PTPRM: variants seen among roughly 807,000 people sequenced by gnomAD.
The protein encoded by PTPRM is protein tyrosine phosphatase receptor type M.
PTPRM carries 47 observed loss-of-function variants against 186.7 expected under a neutral mutation model. The observed-to-expected ratio is 0.25, with a 90% CI of 0.20 to 0.32. The LOEUF (loss-of-function observed/expected upper bound fraction) is 0.32. Ranked by LOEUF, PTPRM falls within the 10% of genes least tolerant of loss-of-function variation. The pLI is 1.00. For synonymous variants in PTPRM, 668 were observed against 674.9 expected, an observed-to-expected ratio of 0.99 and a Z score of 0.16; for missense variants, 1,494 against 1,865.0, an observed-to-expected ratio of 0.80 and a Z score of 3.66.
intron 14 of PTPRM, among the ~76,000 whole-genome samples, chr18:8,167,646 T>C (rs145992807): frequency 7.2e-4 from 110 of 152,348 alleles, no homozygotes; most frequent in African/African-American, 2.2e-3. Context: ...TGGAAGCATC[T>C]GTGGTCCAAA....
chr18:8,106,606 C>A (rs1468975950), intron 11 of PTPRM, among the ~76,000 whole-genome samples: 1 of 152,198 alleles, frequency 6.6e-6, no homozygotes, highest in Non-Finnish European at 1.5e-5. Context: ...AAGGACGGGG[C>A]AGTCTGTGCC....
At chr18:8,391,734 T>A (rs1331180710) in intron 31 of PTPRM, among the ~76,000 whole-genome samples, 2 of 152,230 alleles carry the variant, frequency 1.3e-5, no homozygotes, top group African/African-American at 4.8e-5. Flanking sequence ...AGGTATATTA[T>A]ACTTTAGTTA....
intron 1 of PTPRM, among the ~76,000 whole-genome samples, chr18:7,601,362 G>C (rs1422648909): frequency 6.6e-6 from 1 of 152,154 alleles, no homozygotes; most frequent in Non-Finnish European, 1.5e-5. Flanking sequence ...TAGTTTCCTG[G>C]GGCTGCTGTA....
At chr18:7,801,561 TAAC>T (rs1371965343) in intron 2 of PTPRM, among the ~76,000 whole-genome samples, 1 of 152,184 alleles carries the variant, frequency 6.6e-6, no homozygotes, top group Non-Finnish European at 1.5e-5. Flanking sequence ...CACTCTAAAA[TAAC>T]AACAAAAGTA....
At chr18:7,752,241 G>T (rs2041251149) in intron 1 of PTPRM, among the ~76,000 whole-genome samples, 1 of 152,128 alleles carries the variant, frequency 6.6e-6, no homozygotes, top group Admixed American at 6.5e-5. Context: ...TGCTATATGT[G>T]TGTTTGTGTC....
chr18:8,081,973 A>G (rs1600455182), intron 9 of PTPRM, among the ~76,000 whole-genome samples: 1 of 152,094 alleles, frequency 6.6e-6, no homozygotes, highest in African/African-American at 2.4e-5. Flanking sequence ...TGCAGCCACA[A>G]GGCTTTCAGC....
chr18:7,803,395 C>G (rs2145382930), intron 2 of PTPRM, among the ~76,000 whole-genome samples: 1 of 152,202 alleles, frequency 6.6e-6, no homozygotes, highest in African/African-American at 2.4e-5. Flanking sequence ...TAACCCTAGC[C>G]TCTTGCCTTG....
At chr18:8,274,941 G>A (rs1160326792) in intron 19 of PTPRM, among the ~76,000 whole-genome samples, 1 of 152,148 alleles carries the variant, frequency 6.6e-6, no homozygotes, top group Non-Finnish European at 1.5e-5. Flanking sequence ...CTTAATTTAC[G>A]AGACATATAT....
At chr18:7,980,214 C>T (rs150128535) in intron 7 of PTPRM, among the ~76,000 whole-genome samples, 187 of 152,158 alleles carry the variant, frequency 1.2e-3, no homozygotes, top group African/African-American at 4.4e-3. Context: ...CACCTCTGCA[C>T]CACATCAATC....
chr18:7,976,837 A>G (rs1205102149), intron 7 of PTPRM, among the ~76,000 whole-genome samples: 3 of 152,132 alleles, frequency 2.0e-5, no homozygotes, highest in African/African-American at 7.2e-5. Flanking sequence ...GAAATTGGGT[A>G]AGATTTATTT....
chr18:7,888,504 G>T, intron 3 of PTPRM, 127 bp downstream of exon 3: 1 of 1,095,426 alleles, frequency 9.1e-7, no homozygotes, highest in South Asian at 1.8e-5. Context: ...GGAGAAAGGG[G>T]AACTCTCATC....
In PTPRM at chr18:7,787,356, C is replaced by G. The variant is rs146391776; in HGVS notation, c.196+13085C>G. Among the ~76,000 whole-genome samples the G allele has an allele frequency of 5.4e-3, 828 of 152,280 alleles. 4 individuals are homozygous for G. Among genetic ancestry groups the G allele is most frequent in the South Asian group, 0.023 (111 of 4,824 alleles). On this transcript the variant is annotated intron_variant, in intron 2 of 32. Coordinates refer to ENST00000580170, the MANE Select transcript of PTPRM (RefSeq NM_001105244.2). ...AAGAGATAGCCCCTGTGGTTGTCAG[C>G]GTTGTTGAATGACTGCTTCCAGCTT...
chr18:7,710,046 TG>T (rs2040179309), intron 1 of PTPRM, among the ~76,000 whole-genome samples: 5 of 152,198 alleles, frequency 3.3e-5, no homozygotes, highest in Non-Finnish European at 4.4e-5. Context: ...AGTCATTCTA[TG>T]AAACCAGTAT....
At chr18:7,945,200 T>C (rs1040837373) in intron 5 of PTPRM, among the ~76,000 whole-genome samples, 2 of 150,848 alleles carry the variant, frequency 1.3e-5, no homozygotes, top group African/African-American at 4.9e-5. Flanking sequence ...ACGCCTGTAA[T>C]CCCAGCACTT....
At chr18:8,183,487 G>C (rs537398455) in intron 14 of PTPRM, among the ~76,000 whole-genome samples, 61 of 152,258 alleles carry the variant, frequency 4.0e-4, no homozygotes, top group African/African-American at 1.5e-3. Context: ...GCTTCATTTT[G>C]CTTTCAGCAG....
intron 1 of PTPRM, among the ~76,000 whole-genome samples, chr18:7,591,737 C>T (rs1330159429): frequency 6.6e-6 from 1 of 152,146 alleles, no homozygotes; most frequent in Non-Finnish European, 1.5e-5. Flanking sequence ...GAAACAATTT[C>T]AGGAAATATA....
chr18:8,005,748 G>C (rs976590930), intron 7 of PTPRM, among the ~76,000 whole-genome samples: 1 of 152,060 alleles, frequency 6.6e-6, no homozygotes, highest in Admixed American at 6.6e-5. Flanking sequence ...TCTGATTACA[G>C]TTCTCAAAGG....
At chr18:7,818,201 T>G (rs779619276) in intron 2 of PTPRM, among the ~76,000 whole-genome samples, 1 of 152,200 alleles carries the variant, frequency 6.6e-6, no homozygotes, top group Non-Finnish European at 1.5e-5. Context: ...CTCTACTAAT[T>G]TAGTTTTTTT....
chr18:8,172,967 T>TA (rs1213947297), intron 14 of PTPRM, among the ~76,000 whole-genome samples: 1 of 152,214 alleles, frequency 6.6e-6, no homozygotes, highest in Non-Finnish European at 1.5e-5. Flanking sequence ...CACAAACACA[T>TA]ATGTTTTTCT....
Sources: allele counts gnomAD v4.1 joint callset (sites outside exome capture counted in the v4.1 genomes callset), GRCh38; gene constraint gnomAD v4.1.1; transcripts MANE v1.5; gene names NCBI Gene and HGNC (gene_info 2026-07-23, HGNC 2026-07-21).